The following TAMM41 variants were observed in gnomAD, a reference collection of about 807,000 sequenced individuals.
TAMM41 encodes TAM41 mitochondrial translocator assembly and maintenance homolog, also known as phosphatidate cytidylyltransferase, mitochondrial.
A neutral mutation model predicts 44.1 loss-of-function variants in TAMM41; 36 were observed. The ratio of observed to expected loss-of-function variants is 0.82; its 90% confidence interval spans 0.63 to 1.08. The LOEUF (loss-of-function observed/expected upper bound fraction) is 1.08. Among genes scored for constraint, TAMM41 ranks in the 50% least tolerant of loss-of-function variants. TAMM41 has a pLI of 0.00. For synonymous variants in TAMM41, 164 were observed against 153.1 expected (o/e 1.07, Z -0.53); for missense variants, 417 against 404.3 (o/e 1.03, Z -0.27).
intron 1 of TAMM41, among the ~76,000 whole-genome samples, chr3:11,845,614 T>C (rs1177397020): frequency 6.6e-6 from 1 of 152,218 alleles, no homozygotes; most frequent in Non-Finnish European, 1.5e-5. Context: ...TAATTTCTCA[T>C]ATGCTGCCAA....
downstream of TAMM41, among the ~76,000 whole-genome samples, chr3:11,787,598 T>C (rs925694214): frequency 2.0e-5 from 3 of 152,212 alleles, no homozygotes; most frequent in African/African-American, 7.2e-5. Flanking sequence ...GACTATCCCA[T>C]GCCATCTAAA....
chr3:11,834,821 G>A (rs1189562373), intron 3 of TAMM41, among the ~76,000 whole-genome samples: 1 of 152,044 alleles, frequency 6.6e-6, no homozygotes, highest in African/African-American at 2.4e-5. Context: ...CTAGTAGCTG[G>A]GATTACAGGT....
chr3:11,846,693 G>A lies in TAMM41; in HGVS notation c.-57C>T. The A allele has an allele frequency of 1.2e-6, 2 of 1,611,000 alleles. No individual in the cohort carries two copies. Among genetic ancestry groups the A allele is most frequent in the Non-Finnish European group, 1.7e-6 (2 of 1,178,346 alleles). On this transcript the variant is annotated 5_prime_UTR_variant, in exon 1 of 8. Transcript: ENST00000455809. Reference sequence around the variant, plus strand: ...AGCAGGGCGAGGACAACCGGGCGGGGAACAGACACCGGGTAGGCGGTTTAG... The same window carrying A: ...AGCAGGGCGAGGACAACCGGGCGGGAAACAGACACCGGGTAGGCGGTTTAG...
intron 5 of TAMM41, among the ~76,000 whole-genome samples, chr3:11,812,748 T>C (rs1251122330): frequency 6.6e-6 from 1 of 152,208 alleles, no homozygotes; most frequent in Non-Finnish European, 1.5e-5. Flanking sequence ...GCTGGGGTGC[T>C]GATACACGTC....
At chr3:11,815,943 CA>C (rs2078260847) in intron 5 of TAMM41, among the ~76,000 whole-genome samples, 1 of 152,208 alleles carries the variant, frequency 6.6e-6, no homozygotes, top group South Asian at 2.1e-4. Flanking sequence ...CTTGAGGTAT[CA>C]TTTGGCTTTT....
At chr3:11,833,104 T>G (rs1432298773) in intron 3 of TAMM41, 1 of 1,283,804 alleles carries the variant, frequency 7.8e-7, no homozygotes, top group African/African-American at 1.5e-5. Flanking sequence ...TGTTATTTGT[T>G]GTTCAGAGTG....
chr3:11,782,875 A>G, the TAMM41 span, among the ~76,000 whole-genome samples: 2 of 152,218 alleles, frequency 1.3e-5, no homozygotes. Context: ...TTAATGCAGC[A>G]TCTGATGAGA....
chr3:11,784,611 T>G, the TAMM41 span, among the ~76,000 whole-genome samples: 1 of 152,186 alleles, frequency 6.6e-6, no homozygotes, highest in Non-Finnish European at 1.5e-5. Context: ...ACCCCTTCCC[T>G]TCAACTATTT....
the TAMM41 span, among the ~76,000 whole-genome samples, chr3:11,746,020 G>C: frequency 1.3e-5 from 2 of 152,136 alleles, no homozygotes; most frequent in African/African-American, 4.8e-5. Context: ...AAAAATTTAG[G>C]CCGGGCGCGG....
At chr3:11,749,596 G>T in the TAMM41 span, among the ~76,000 whole-genome samples, 1 of 152,106 alleles carries the variant, frequency 6.6e-6, no homozygotes, top group African/African-American at 2.4e-5. Flanking sequence ...TTATTTAGTT[G>T]TGTTCAACAC....
intron 4 of TAMM41, among the ~76,000 whole-genome samples, chr3:11,823,918 T>C (rs2078635187): frequency 6.7e-6 from 1 of 149,530 alleles, no homozygotes; most frequent in African/African-American, 2.5e-5. Flanking sequence ...CTCCGAATCC[T>C]GGGGTCAAGC....
the TAMM41 span, chr3:11,721,977 A>G: frequency 6.6e-6 from 1 of 152,262 alleles, no homozygotes; most frequent in Non-Finnish European, 1.5e-5. Flanking sequence ...ACGCAAATGA[A>G]TAATGATAAC....
At chr3:11,841,569 A>G (rs1403812947) in intron 2 of TAMM41, among the ~76,000 whole-genome samples, 1 of 152,262 alleles carries the variant, frequency 6.6e-6, no homozygotes, top group Non-Finnish European at 1.5e-5. Context: ...CTTTTGGCAT[A>G]TAATTATGCC....
the TAMM41 span, among the ~76,000 whole-genome samples, chr3:11,761,165 C>CAAA: frequency 5.8e-4 from 62 of 106,138 alleles, no homozygotes; most frequent in Non-Finnish European, 9.6e-4. Context: ...GACTCTGTCT[C>CAAA]AAAAAAAAAA....
intron 1 of TAMM41, chr3:11,845,055 A>G (rs1252735548): frequency 4.4e-6 from 2 of 452,164 alleles, no homozygotes; most frequent in African/African-American, 4.0e-5. Context: ...TGCTCTGTGG[A>G]TATGGGAGCC....
Position 11,829,859 on chromosome 3 carries a change from T to C in TAMM41, c.417A>G (p.Lys139=). 3.1e-6 allele frequency: 5 copies of C among 1,614,048 alleles called. No individual in the cohort carries two copies. Among genetic ancestry groups the C allele is most frequent in the Non-Finnish European group, 3.4e-6 (4 of 1,179,992 alleles). ...TGACATCCTCGTTCACTGAGATAAT[T>C]TTCACCTGAAAGAAGCAGAACATTG... ...YIAGRLQKPV[K]IISVNEDVTL... Residue 139 remains lysine (K), a synonymous_variant, in exon 4 of 8, where the codon AAA becomes AAG. Coordinates refer to ENST00000455809, the MANE Select transcript of TAMM41 (RefSeq NM_001284401.2).
chr3:11,829,864 C>T lies in TAMM41; in HGVS notation c.412G>A (p.Val138Met). 2 of 1,613,914 alleles carry T rather than the reference C, an allele frequency of 1.2e-6. No homozygotes were observed. The highest frequency in any genetic ancestry group is 2.2e-5 in the South Asian group (2 of 91,070). Residue 138 changes from valine (V) to methionine (M), a missense_variant and splice_region_variant, in exon 4 of 8, where the codon GTG becomes ATG. Coordinates refer to ENST00000455809, the MANE Select transcript of TAMM41 (RefSeq NM_001284401.2). ...LYIAGRLQKP[V>M]KIISVNEDVT... ...TCCTCGTTCACTGAGATAATTTTCA[C>T]CTGAAAGAAGCAGAACATTGGGAAG...
chr3:11,762,354 G>T, the TAMM41 span, among the ~76,000 whole-genome samples: 1 of 152,040 alleles, frequency 6.6e-6, no homozygotes, highest in South Asian at 2.1e-4. Context: ...AACTGTCTAC[G>T]TTGCTGACAC....
At chr3:11,756,457 C>A in the TAMM41 span, among the ~76,000 whole-genome samples, 1 of 152,146 alleles carries the variant, frequency 6.6e-6, no homozygotes, top group Non-Finnish European at 1.5e-5. Flanking sequence ...CACAATGACT[C>A]TTTGAGGTTT....
Sources: gnomAD v4.1 joint callset for allele counts (sites outside exome capture counted in the v4.1 genomes callset) on GRCh38, gnomAD v4.1.1 for gene constraint, MANE v1.5 for transcripts, NCBI Gene and HGNC (gene_info 2026-07-23, HGNC 2026-07-21) for gene names.